OR7C1: variants seen among roughly 807,000 people sequenced by gnomAD.
OR7C1 encodes the protein olfactory receptor 7C1.
For missense variants in OR7C1, 324 were observed against 383.3 expected (o/e 0.85, Z 1.29); for synonymous variants, 152 against 160.7 (o/e 0.95, Z 0.41).
chr19:14,799,585 G>A (rs1045555549), exon 5 of OR7C1: 27 of 1,614,054 alleles, frequency 1.7e-5, no homozygotes, highest in Non-Finnish European at 2.1e-5. Context: ...CGAGCTTCAG[G>A]ACTTCAAGTA....
At chr19:14,811,334 A>G (rs1239248343) in intron 1 of OR7C1, among the ~76,000 whole-genome samples, 17 of 151,980 alleles carry the variant, frequency 1.1e-4, no homozygotes, top group Non-Finnish European at 2.5e-4. Flanking sequence ...CTATGGCTCC[A>G]GGTGTTCCTG....
At chr19:14,824,291 T>C (rs2044754720) in intron 1 of OR7C1, 1 of 152,232 alleles carries the variant, frequency 6.6e-6, no homozygotes, top group Admixed American at 6.5e-5. Context: ...ATATATTGTG[T>C]GACACTAAAG....
In OR7C1 at chr19:14,805,406, ATTTTTTTTTTTT is replaced by A. The variant is rs33957500; in HGVS notation, c.-435+4388_-435+4399del. On this transcript the variant is annotated intron_variant, in intron 2 of 4. Transcript: ENST00000641666. ...GCAGGACCCAAGAAACAGGAAAATA[ATTTTTTTTTTTT>A]TTTTTTTTTTTTTTTTAGACAGAAT... Among the ~76,000 whole-genome samples, 86 of 98,106 alleles carry A rather than the reference ATTTTTTTTTTTT, an allele frequency of 8.8e-4. 3 individuals carry two copies. The highest frequency in any genetic ancestry group is 0.012 in the Middle Eastern group (2 of 162). 64.4% of individuals were successfully genotyped at this position (98,106 alleles called of 152,430 possible). A position where few individuals can be genotyped will look rare whatever the true frequency, so the allele number is the denominator to read the frequency against.
At chr19:14,815,263 C>T (rs554265556) in intron 1 of OR7C1, among the ~76,000 whole-genome samples, 1 of 152,152 alleles carries the variant, frequency 6.6e-6, no homozygotes. Context: ...CTTTTCTGTT[C>T]TGAAAAGAAC....
At chr19:14,819,936 T>G (rs892551150) in intron 1 of OR7C1, among the ~76,000 whole-genome samples, 3 of 152,196 alleles carry the variant, frequency 2.0e-5, no homozygotes, top group Non-Finnish European at 4.4e-5. Context: ...AGATACAGTC[T>G]CGCTCTGTCA....
rs552730217 is a variant in OR7C1 at position 14,818,539 on chromosome 19, G to A, written c.-622-8546C>T. Among the ~76,000 whole-genome samples, 21 of 152,300 alleles carry A rather than the reference G, an allele frequency of 1.4e-4. No individual in the cohort carries two copies. The South Asian group carries it at 4.1e-3, about 30-fold the overall frequency. The stretch of plus-strand genomic sequence containing the variant: ...CTTGTGAGGCTTAATCGATTAGTGG[G>A]TTTGTTAGATAGTTCCTGTTTCTAT... On this transcript the variant is annotated intron_variant, in intron 1 of 4. Coordinates refer to ENST00000641666, the Ensembl canonical transcript of OR7C1.
At chr19:14,828,224 A>G (rs771170959) in intron 1 of OR7C1, 1 of 1,611,422 alleles carries the variant, frequency 6.2e-7, no homozygotes, top group South Asian at 1.1e-5. Flanking sequence ...AAATTTGTGT[A>G]TCATTTCCTG....
At chr19:14,808,328 C>T (rs2044675499) in intron 2 of OR7C1, among the ~76,000 whole-genome samples, 1 of 151,914 alleles carries the variant, frequency 6.6e-6, no homozygotes, top group Admixed American at 6.6e-5. Flanking sequence ...ATACGTTTAT[C>T]ACAGCACTAT....
At chr19:14,819,471 C>T (rs1485092118) in intron 1 of OR7C1, among the ~76,000 whole-genome samples, 7 of 152,084 alleles carry the variant, frequency 4.6e-5, no homozygotes, top group Non-Finnish European at 7.4e-5. Flanking sequence ...GCTTTCAGCT[C>T]CAGCCACATC....
At chr19:14,813,541 T>C (rs1242411257) in intron 1 of OR7C1, among the ~76,000 whole-genome samples, 3 of 151,598 alleles carry the variant, frequency 2.0e-5, no homozygotes, top group African/African-American at 7.3e-5. Context: ...AGCGACAGAG[T>C]GAGACTCCGT....
intron 1 of OR7C1, among the ~76,000 whole-genome samples, chr19:14,811,336 G>A (rs2044689910): frequency 6.6e-6 from 1 of 151,854 alleles, no homozygotes; most frequent in South Asian, 2.1e-4. Flanking sequence ...ATGGCTCCAG[G>A]TGTTCCTGAC....
exon 5 of OR7C1, chr19:14,800,043 G>A: frequency 6.2e-7 from 1 of 1,614,070 alleles, no homozygotes; most frequent in Non-Finnish European, 8.5e-7. Context: ...TACATGGAGA[G>A]GAACAGCCCA....
At chr19:14,830,839 C>T (rs1008071835) in intron 1 of OR7C1, among the ~76,000 whole-genome samples, 1 of 152,160 alleles carries the variant, frequency 6.6e-6, no homozygotes, top group Non-Finnish European at 1.5e-5. Flanking sequence ...ACACAACCCT[C>T]GTGTGCCAAT....
At chr19:14,804,775 A>G (rs934525838) in intron 2 of OR7C1, among the ~76,000 whole-genome samples, 1 of 151,994 alleles carries the variant, frequency 6.6e-6, no homozygotes, top group African/African-American at 2.4e-5. Flanking sequence ...TTTTGAAACT[A>G]GATAGAGATG....
intron 1 of OR7C1, among the ~76,000 whole-genome samples, chr19:14,832,666 C>T (rs2044845161): frequency 1.3e-5 from 2 of 152,008 alleles, no homozygotes; most frequent in South Asian, 4.2e-4. Flanking sequence ...ACCCCGTGAT[C>T]CACCCACCTC....
chr19:14,802,984 G>A (rs1257986654), intron 2 of OR7C1, among the ~76,000 whole-genome samples: 1 of 152,102 alleles, frequency 6.6e-6, no homozygotes, highest in East Asian at 1.9e-4. Flanking sequence ...CTGGCTTGAG[G>A]AGGCAGTGTT....
At chr19:14,834,864 C>G (rs1023446546) in intron 1 of OR7C1, among the ~76,000 whole-genome samples, 4 of 152,188 alleles carry the variant, frequency 2.6e-5, no homozygotes, top group Non-Finnish European at 1.5e-5. Flanking sequence ...AGTCGTCACC[C>G]TTGCATTGCC....
At chr19:14,814,926 G>A (rs966874981) in intron 1 of OR7C1, among the ~76,000 whole-genome samples, 6 of 152,250 alleles carry the variant, frequency 3.9e-5, no homozygotes, top group South Asian at 2.1e-4. Flanking sequence ...GACTTCTTGC[G>A]GCAATAAGAT....
chr19:14,816,039 G>T (rs1747893851), intron 1 of OR7C1, among the ~76,000 whole-genome samples: 1 of 152,084 alleles, frequency 6.6e-6, no homozygotes, highest in African/African-American at 2.4e-5. Context: ...TGCCCAGGCT[G>T]GTCTTGAACT....
Sources: allele counts gnomAD v4.1 joint callset (sites outside exome capture counted in the v4.1 genomes callset), GRCh38; gene constraint gnomAD v4.1.1; transcripts MANE v1.5; gene names NCBI Gene and HGNC (gene_info 2026-07-23, HGNC 2026-07-21).